Variants in GRM3 observed in about 807,000 individuals in gnomAD.
The protein encoded by GRM3 is glutamate metabotropic receptor 3, also known as metabotropic glutamate receptor 3.
Under a neutral mutation model 70.5 loss-of-function variants are expected in GRM3, and 26 were observed. The ratio of observed to expected loss-of-function variants is 0.37; its 90% confidence interval spans 0.27 to 0.51. GRM3 has a LOEUF of 0.51. Ranked by LOEUF, GRM3 falls within the 20% of genes least tolerant of loss-of-function variation. The probability of loss-of-function intolerance (pLI) is 0.93; values close to 1 mark genes in which losing one functional copy is unlikely to be tolerated. For synonymous variants in GRM3, 443 were observed against 434.9 expected, an observed-to-expected ratio of 1.02 and a Z score of -0.23; for missense variants, 859 against 1,123.8, an observed-to-expected ratio of 0.76 and a Z score of 3.37.
At chr7:86,689,748 T>G (rs1045144660) in intron 1 of GRM3, among the ~76,000 whole-genome samples, 3 of 152,276 alleles carry the variant, frequency 2.0e-5, no homozygotes, top group African/African-American at 4.8e-5. Context: ...TTTACATAGA[T>G]GCCTTGATGG....
intron 1 of GRM3, among the ~76,000 whole-genome samples, chr7:86,701,088 A>G (rs1241940363): frequency 1.3e-5 from 2 of 151,952 alleles, no homozygotes; most frequent in Non-Finnish European, 2.9e-5. Flanking sequence ...AAACTGGAAA[A>G]CACAGATTTC....
rs751027044 is a variant in GRM3 at position 86,786,791 on chromosome 7, C to A, written c.999C>A (p.Phe333Leu). Residue 333 changes from phenylalanine to leucine, a missense_variant, in exon 3 of 6, where the codon TTC (phenylalanine) becomes TTA (leucine). Phe to Leu is a conservative substitution (Grantham distance 22, BLOSUM62 0). Coordinates refer to ENST00000361669, the MANE Select transcript of GRM3 (RefSeq NM_000840.3). This position sits in a 1 kb window ranked among gnomAD's most constrained non-coding sequence, Gnocchi z 6.0. Reference sequence around the variant, plus strand: ...TGGCCTCCCAGCCTGTCCGCCAGTTCGACCGCTACTTCCAGAGCCTCAACC... The same window carrying A: ...TGGCCTCCCAGCCTGTCCGCCAGTTAGACCGCTACTTCCAGAGCCTCAACC... ...LELASQPVRQ[F>L]DRYFQSLNPY... 4 of 1,614,152 alleles carry A rather than the reference C, an allele frequency of 2.5e-6. No individual in the cohort carries two copies. The highest frequency in any genetic ancestry group is 3.4e-6 in the Non-Finnish European group (4 of 1,180,006).
At position 86,644,513 on chromosome 7, in the gene GRM3, G is replaced by A. The variant is rs1198549131; in HGVS notation, c.-500G>A. 5.6e-6 allele frequency: 2 copies of A among 358,758 alleles called. No homozygotes were observed. The highest frequency in any genetic ancestry group is 1.1e-5 in the Non-Finnish European group (2 of 181,666). The allele number at this position is 358,758 out of a possible 1,614,324, so 22.2% of individuals were successfully genotyped here. A position where few individuals can be genotyped will look rare whatever the true frequency, so the allele number is the denominator to read the frequency against. On this transcript the variant is annotated 5_prime_UTR_variant, in exon 1 of 6. Transcript: ENST00000361669. ...GCTGGGAAGAGCTCCCCTCCCCTCC[G>A]CGGAAGACCACTGGGTCCCCTCTTT...
chr7:86,740,539 C>G (rs1019403314), intron 1 of GRM3, among the ~76,000 whole-genome samples: 2 of 152,170 alleles, frequency 1.3e-5, no homozygotes, highest in Non-Finnish European at 2.9e-5. Context: ...AAAAGATTAA[C>G]TTATTTGCCA....
intron 1 of GRM3, among the ~76,000 whole-genome samples, chr7:86,707,171 AT>A (rs1357011957): frequency 6.6e-6 from 1 of 151,970 alleles, no homozygotes; most frequent in Non-Finnish European, 1.5e-5. Context: ...CCCTGATAAC[AT>A]TTTTTCCTAT....
intron 1 of GRM3, among the ~76,000 whole-genome samples, chr7:86,683,833 C>T (rs1351445130): frequency 6.6e-6 from 1 of 152,082 alleles, no homozygotes; most frequent in Non-Finnish European, 1.5e-5. Context: ...ATTTCTATAT[C>T]TAGTACAAAA....
At chr7:86,859,379 A>G (rs1384629361) in intron 5 of GRM3, among the ~76,000 whole-genome samples, 1 of 152,226 alleles carries the variant, frequency 6.6e-6, no homozygotes, top group Non-Finnish European at 1.5e-5. Flanking sequence ...AACATCTATT[A>G]TTCAATCACC....
intron 3 of GRM3, among the ~76,000 whole-genome samples, chr7:86,807,339 A>C (rs1797813886): frequency 9.2e-6 from 1 of 108,904 alleles, no homozygotes; most frequent in South Asian, 2.5e-4. Flanking sequence ...CTTGGGCAGT[A>C]TGGCCATTTT....
At chr7:86,811,523 A>G (rs897451686) in intron 3 of GRM3, among the ~76,000 whole-genome samples, 1 of 151,696 alleles carries the variant, frequency 6.6e-6, no homozygotes, top group African/African-American at 2.4e-5. Context: ...AGATGACACT[A>G]TTTTACCCAC....
chr7:86,786,864 A>C lies in GRM3; in HGVS notation c.1072A>C (p.Lys358Gln). 1 of 1,614,160 alleles carries C rather than the reference A, an allele frequency of 6.2e-7. No homozygotes were observed. The highest frequency in any genetic ancestry group is 8.5e-7 in the Non-Finnish European group (1 of 1,180,026). Residue 358 changes from lysine (K) to glutamine (Q), a missense_variant, in exon 3 of 6, where the codon AAG (lysine) becomes CAG (glutamine). Coordinates refer to ENST00000361669, the MANE Select transcript of GRM3 (RefSeq NM_000840.3). The surrounding 1 kb of genome is among the most constrained non-coding windows in gnomAD (Gnocchi z 6.0). ...CTGGTTCCGGGACTTCTGGGAGCAA[A>C]AGTTTCAGTGCAGCCTCCAGAACAA... ...NPWFRDFWEQ[K>Q]FQCSLQNKRN...
At chr7:86,681,724 T>G (rs1200802292) in intron 1 of GRM3, among the ~76,000 whole-genome samples, 1 of 152,166 alleles carries the variant, frequency 6.6e-6, no homozygotes, top group Non-Finnish European at 1.5e-5. Context: ...GTTTGAACCC[T>G]ATCATCTCTT....
intron 1 of GRM3, among the ~76,000 whole-genome samples, chr7:86,745,627 A>C (rs545380431): frequency 6.6e-6 from 1 of 152,194 alleles, no homozygotes; most frequent in South Asian, 2.1e-4. Flanking sequence ...GGAGAATAGG[A>C]AATTGGGCTT....
At chr7:86,780,309 CA>C (rs1260442068) in intron 2 of GRM3, among the ~76,000 whole-genome samples, 1 of 152,160 alleles carries the variant, frequency 6.6e-6, no homozygotes, top group East Asian at 1.9e-4. Flanking sequence ...CAAACTTGCA[CA>C]TTGTGCAAAT....
chr7:86,804,358 C>A (rs1797743865), intron 3 of GRM3, among the ~76,000 whole-genome samples: 1 of 152,198 alleles, frequency 6.6e-6, no homozygotes. Flanking sequence ...ATTTCAGAAG[C>A]ACAACCCATA....
At chr7:86,810,905 T>C (rs548055806) in intron 3 of GRM3, among the ~76,000 whole-genome samples, 47 of 152,136 alleles carry the variant, frequency 3.1e-4, no homozygotes, top group African/African-American at 1.1e-3. Flanking sequence ...ATTCCCATAT[T>C]TTTTCACTAA....
intron 4 of GRM3, among the ~76,000 whole-genome samples, chr7:86,840,724 G>T (rs913838863): frequency 6.6e-6 from 1 of 152,014 alleles, no homozygotes; most frequent in South Asian, 2.1e-4. Flanking sequence ...TCAGGTATTT[G>T]TTTTTTATTC....
At chr7:86,762,779 T>C (rs1015696281) in intron 1 of GRM3, among the ~76,000 whole-genome samples, 1 of 152,046 alleles carries the variant, frequency 6.6e-6, no homozygotes, top group Admixed American at 6.6e-5. Flanking sequence ...GCTGGAGAAA[T>C]TGGTATAGAA....
chr7:86,692,231 CA>C (rs1794712060), intron 1 of GRM3, among the ~76,000 whole-genome samples: 1 of 152,208 alleles, frequency 6.6e-6, no homozygotes. Flanking sequence ...TCTCAACAAG[CA>C]TAAGTCAGTT....
intron 1 of GRM3, among the ~76,000 whole-genome samples, chr7:86,693,072 T>C (rs965689690): frequency 6.6e-6 from 1 of 152,144 alleles, no homozygotes; most frequent in African/African-American, 2.4e-5. Context: ...TGTCTGGCAA[T>C]AGGTAAGTAA....
Sources: gnomAD v4.1 joint callset for allele counts (sites outside exome capture counted in the v4.1 genomes callset) on GRCh38, gnomAD v4.1.1 for gene constraint, Gnocchi (gnomAD v3.1) non-coding constraint, MANE v1.5 for transcripts, NCBI Gene and HGNC (gene_info 2026-07-23, HGNC 2026-07-21) for gene names.